Variants in SDC2 observed in about 807,000 individuals in gnomAD.
The protein encoded by SDC2 is syndecan-2.
A neutral mutation model predicts 22.2 loss-of-function variants in SDC2; 13 were observed. The ratio of observed to expected loss-of-function variants is 0.59; its 90% confidence interval spans 0.38 to 0.93. The LOEUF (loss-of-function observed/expected upper bound fraction) is 0.93. Among genes scored for constraint, SDC2 ranks in the 40% least tolerant of loss-of-function variants. The pLI is 0.00. For synonymous variants in SDC2, 94 were observed against 92.8 expected, an observed-to-expected ratio of 1.01 and a Z score of -0.07; for missense variants, 235 against 246.8, an observed-to-expected ratio of 0.95 and a Z score of 0.32.
At chr8:96,535,500 A>T (rs1813740429) in intron 1 of SDC2, among the ~76,000 whole-genome samples, 1 of 152,240 alleles carries the variant, frequency 6.6e-6, no homozygotes, top group Non-Finnish European at 1.5e-5. Context: ...GGCCAAGAGG[A>T]ATAAAAGAGG....
At chr8:96,594,094 C>G (rs1814831769) in intron 2 of SDC2, among the ~76,000 whole-genome samples, 1 of 152,040 alleles carries the variant, frequency 6.6e-6, no homozygotes, top group Admixed American at 6.5e-5. Context: ...ATGCAGCAGC[C>G]AAGTAAAATG....
chr8:96,600,368 T>A (rs1374018477), intron 2 of SDC2, among the ~76,000 whole-genome samples: 3 of 152,210 alleles, frequency 2.0e-5, no homozygotes, highest in Non-Finnish European at 4.4e-5. Flanking sequence ...TGACAAATGA[T>A]CAACTTAAAA....
intron 1 of SDC2, among the ~76,000 whole-genome samples, chr8:96,541,532 T>C (rs1015661522): frequency 7.4e-6 from 1 of 135,464 alleles, no homozygotes; most frequent in East Asian, 2.1e-4. Context: ...AAGAAGGAAA[T>C]AATGCTACAA....
chr8:96,586,498 A>AT (rs1814689681), intron 1 of SDC2: 1 of 152,384 alleles, frequency 6.6e-6, no homozygotes, highest in African/African-American at 2.4e-5. Context: ...GCCCCACTCT[A>AT]TAAGAGGCAT....
At chr8:96,499,404 C>G (rs1813125723) in intron 1 of SDC2, among the ~76,000 whole-genome samples, 1 of 152,184 alleles carries the variant, frequency 6.6e-6, no homozygotes, top group Non-Finnish European at 1.5e-5. Context: ...TGAGATGATT[C>G]TAATGAATCA....
intron 1 of SDC2, among the ~76,000 whole-genome samples, chr8:96,582,316 T>C (rs1017056481): frequency 2.6e-5 from 4 of 151,462 alleles, no homozygotes; most frequent in African/African-American, 7.4e-5. Context: ...CCAGTAGATA[T>C]CAGGAATATG....
chr8:96,526,287 G>A (rs1024664189), intron 1 of SDC2, among the ~76,000 whole-genome samples: 1 of 126,858 alleles, frequency 7.9e-6, no homozygotes, highest in African/African-American at 3.4e-5. Flanking sequence ...TTGAAGTTTT[G>A]TTGTAATGAA....
At chr8:96,608,714 A>G (rs549598144) in intron 4 of SDC2, among the ~76,000 whole-genome samples, 5 of 152,338 alleles carry the variant, frequency 3.3e-5, no homozygotes, top group African/African-American at 9.6e-5. Context: ...AAAAGAGGGA[A>G]AGTTAACATC....
chr8:96,501,171 G>A (rs1035889538), intron 1 of SDC2, among the ~76,000 whole-genome samples: 6 of 151,652 alleles, frequency 4.0e-5, no homozygotes, highest in Admixed American at 6.6e-5. Context: ...ACAAGTAACC[G>A]TGATGTTTAA....
chr8:96,561,939 T>A (rs1814216611), intron 1 of SDC2, among the ~76,000 whole-genome samples: 1 of 152,238 alleles, frequency 6.6e-6, no homozygotes, highest in African/African-American at 2.4e-5. Flanking sequence ...TTTCCTAGTC[T>A]GTGACTTGTC....
intron 1 of SDC2, among the ~76,000 whole-genome samples, chr8:96,558,438 AG>A: frequency 6.6e-6 from 1 of 152,292 alleles, no homozygotes. Context: ...AATCTTTTTA[AG>A]GTAAACATAC....
intron 4 of SDC2, among the ~76,000 whole-genome samples, chr8:96,608,735 C>G (rs147283452): frequency 5.4e-4 from 82 of 152,326 alleles, no homozygotes; most frequent in African/African-American, 1.9e-3. Flanking sequence ...TGAATTGATC[C>G]AGAACAACTG....
At chr8:96,549,088 A>G (rs913862640) in intron 1 of SDC2, among the ~76,000 whole-genome samples, 2 of 152,214 alleles carry the variant, frequency 1.3e-5, no homozygotes, top group African/African-American at 4.8e-5. Flanking sequence ...AGGAAATTAT[A>G]TCTGTCAGAA....
At chr8:96,550,940 G>C (rs997585108) in intron 1 of SDC2, among the ~76,000 whole-genome samples, 1 of 152,104 alleles carries the variant, frequency 6.6e-6, no homozygotes, top group African/African-American at 2.4e-5. Flanking sequence ...CCTTCCTGTA[G>C]TCTTTGTGAT....
intron 1 of SDC2, among the ~76,000 whole-genome samples, chr8:96,581,484 G>A (rs1452133227): frequency 6.6e-6 from 1 of 152,122 alleles, no homozygotes; most frequent in African/African-American, 2.4e-5. Context: ...ACAAAAATTA[G>A]CTGGGCATAG....
intron 1 of SDC2, among the ~76,000 whole-genome samples, chr8:96,549,648 A>C (rs959380655): frequency 6.6e-6 from 1 of 152,228 alleles, no homozygotes; most frequent in African/African-American, 2.4e-5. Flanking sequence ...GGTACCTTGC[A>C]TCAAGGAAAA....
At chr8:96,499,984 G>C (rs1040614806) in intron 1 of SDC2, among the ~76,000 whole-genome samples, 1 of 152,100 alleles carries the variant, frequency 6.6e-6, no homozygotes, top group Non-Finnish European at 1.5e-5. Context: ...GACATTTTGG[G>C]GTTGGTTGGC....
chr8:96,510,321 T>C (rs1019127661), intron 1 of SDC2, among the ~76,000 whole-genome samples: 1 of 152,202 alleles, frequency 6.6e-6, no homozygotes, highest in Non-Finnish European at 1.5e-5. Flanking sequence ...TTCAATTCCA[T>C]GGAGCTGTAT....
chr8:96,605,526 A>G (rs1286598167), intron 3 of SDC2, among the ~76,000 whole-genome samples: 2 of 152,180 alleles, frequency 1.3e-5, no homozygotes. Context: ...TTACTTTGGT[A>G]CCTGAAGGCC....
Sources: allele counts gnomAD v4.1 joint callset (sites outside exome capture counted in the v4.1 genomes callset), GRCh38; gene constraint gnomAD v4.1.1; transcripts MANE v1.5; gene names NCBI Gene and HGNC (gene_info 2026-07-23, HGNC 2026-07-21).